The following PHKB variants were observed in gnomAD, a reference collection of about 807,000 sequenced individuals.
The protein encoded by PHKB is phosphorylase b kinase regulatory subunit beta.
A neutral mutation model predicts 152.1 loss-of-function variants in PHKB; 122 were observed. The ratio of observed to expected loss-of-function variants is 0.80; its 90% CI spans 0.69 to 0.93. The LOEUF is 0.93. Among genes scored for constraint, PHKB ranks in the 40% least tolerant of loss-of-function variants. The pLI is 0.00. For missense variants in PHKB, 1,304 were observed against 1,328.4 expected (o/e 0.98, Z 0.29); for synonymous variants, 436 against 464.9 (o/e 0.94, Z 0.80).
chr16:47,688,777 C>A (rs927083396), intron 26 of PHKB, among the ~76,000 whole-genome samples: 5 of 148,196 alleles, frequency 3.4e-5, no homozygotes, highest in African/African-American at 1.2e-4. Context: ...TGGGTAAAAT[C>A]TCACTTGCTA....
chr16:47,537,931 G>C (rs1263513332), intron 6 of PHKB, among the ~76,000 whole-genome samples: 1 of 150,146 alleles, frequency 6.7e-6, no homozygotes, highest in East Asian at 1.9e-4. Context: ...GTCTCTCTCT[G>C]TCATCCAGGC....
chr16:47,484,403 A>T (rs758389665), intron 1 of PHKB, among the ~76,000 whole-genome samples: 1 of 152,228 alleles, frequency 6.6e-6, no homozygotes, highest in Non-Finnish European at 1.5e-5. Context: ...ATCATGGAGA[A>T]ACGTAGACTC....
intron 25 of PHKB, 65 bp from the exon 26 acceptor site, chr16:47,669,149 AT>A (rs66531746): frequency 1.5e-4 from 192 of 1,271,430 alleles, no homozygotes; most frequent in Middle Eastern, 3.8e-4. Flanking sequence ...CTGAGCCTTG[AT>A]TTTTTTTTAA....
intron 26 of PHKB, among the ~76,000 whole-genome samples, chr16:47,682,509 C>A (rs919449972): frequency 3.3e-5 from 5 of 152,134 alleles, no homozygotes; most frequent in Admixed American, 2.6e-4. Context: ...TCATTTCATT[C>A]ATTTCGTCTT....
chr16:47,582,647 A>G (rs938582954), intron 8 of PHKB, among the ~76,000 whole-genome samples: 6 of 152,202 alleles, frequency 3.9e-5, no homozygotes, highest in Non-Finnish European at 5.9e-5. Flanking sequence ...TATACAATCA[A>G]GGGCGAGAAC....
intron 14 of PHKB, among the ~76,000 whole-genome samples, chr16:47,640,474 G>T (rs933658495): frequency 4.6e-5 from 7 of 152,102 alleles, no homozygotes; most frequent in Non-Finnish European, 8.8e-5. Flanking sequence ...CCAACAGCTT[G>T]CATTTAATGA....
chr16:47,536,113 G>A lies in PHKB; in HGVS notation c.595-11320G>A, dbSNP rs867442145. 2.2e-4 allele frequency among the ~76,000 whole-genome samples: 33 copies of A among 152,236 alleles called. 1 individual carries two copies. The highest frequency in any genetic ancestry group is 6.2e-4 in the South Asian group (3 of 4,822). ...GTTGCCCAGGCTGGAGTGCAGTGGC[G>A]CGATCTCGGCTCATAGCAACCTCCG... On this transcript the variant is annotated intron_variant, in intron 6 of 30. Transcript: ENST00000323584.
intron 6 of PHKB, among the ~76,000 whole-genome samples, chr16:47,541,407 T>C (rs1409600893): frequency 6.6e-6 from 1 of 152,242 alleles, no homozygotes; most frequent in African/African-American, 2.4e-5. Flanking sequence ...TGATGGACAT[T>C]TGGGTTGGTT....
At chr16:47,637,741 G>GA (rs913470291) in intron 14 of PHKB, among the ~76,000 whole-genome samples, 16 of 151,940 alleles carry the variant, frequency 1.1e-4, no homozygotes, top group Admixed American at 4.6e-4. Flanking sequence ...GAAATGAAAG[G>GA]AAAAAAATGG....
intron 20 of PHKB, among the ~76,000 whole-genome samples, chr16:47,651,148 C>T (rs936627649): frequency 6.6e-6 from 1 of 152,216 alleles, no homozygotes; most frequent in African/African-American, 2.4e-5. Context: ...AGTAGCTCAT[C>T]TCTAAAAGCT....
intron 13 of PHKB, among the ~76,000 whole-genome samples, chr16:47,602,183 C>G (rs1972240005): frequency 6.6e-6 from 1 of 152,158 alleles, no homozygotes; most frequent in South Asian, 2.1e-4. Context: ...ACCTCAGCCT[C>G]CTGAGTAGCT....
At chr16:47,506,377 T>C (rs1218698484) in intron 4 of PHKB, among the ~76,000 whole-genome samples, 1 of 152,190 alleles carries the variant, frequency 6.6e-6, no homozygotes. Context: ...TGAAAAACCT[T>C]TAATTTGTCT....
intron 17 of PHKB, 47 bp downstream of exon 17, chr16:47,648,663 G>A (rs771120946): frequency 2.6e-5 from 31 of 1,199,170 alleles, no homozygotes; most frequent in Middle Eastern, 3.8e-4. Flanking sequence ...TTCTAATACC[G>A]CATACTGAAA....
At chr16:47,600,621 C>T (rs992644410) in intron 13 of PHKB, among the ~76,000 whole-genome samples, 7 of 152,134 alleles carry the variant, frequency 4.6e-5, no homozygotes, top group African/African-American at 9.7e-5. Flanking sequence ...TAGCCTACGA[C>T]GTACCTAGCC....
chr16:47,647,117 T>G (rs909244302), intron 16 of PHKB, among the ~76,000 whole-genome samples: 9 of 151,816 alleles, frequency 5.9e-5, no homozygotes, highest in East Asian at 1.9e-4. Context: ...ATTTATGTAT[T>G]TATTTATTTA....
rs369955788 is a variant in PHKB, at chr16:47,591,536, A to G, written c.1069-1964A>G. Among the ~76,000 whole-genome samples the G allele has an allele frequency of 2.7e-4, 41 of 151,844 alleles. 1 individual carries two copies. The South Asian group carries it at 6.5e-3, about 24-fold the overall frequency. ...CCTTTCTTTATTCTCCACTTCTCTC[A>G]CTTACTTCTTAGTCTCCTTTGCAGG... On this transcript the variant is annotated intron_variant, in intron 10 of 30. Coordinates refer to ENST00000323584, the MANE Select transcript of PHKB (RefSeq NM_000293.3).
chr16:47,689,203 G>C, intron 27 of PHKB, 28 bp downstream of exon 27: 3 of 1,603,400 alleles, frequency 1.9e-6, no homozygotes, highest in Non-Finnish European at 2.6e-6. Context: ...TTACCTACAT[G>C]ATACTCTGGA....
intron 1 of PHKB, among the ~76,000 whole-genome samples, chr16:47,496,297 C>A (rs148211725): frequency 6.6e-6 from 1 of 150,498 alleles, no homozygotes; most frequent in Non-Finnish European, 1.5e-5. Context: ...ATCTTTTCAA[C>A]AAAAGATAAT....
intron 13 of PHKB, among the ~76,000 whole-genome samples, chr16:47,609,026 A>G (rs1232965638): frequency 1.3e-5 from 2 of 152,192 alleles, no homozygotes; most frequent in African/African-American, 4.8e-5. Context: ...TGAGTGTGAT[A>G]TTAGCTGTAG....
Sources: allele counts gnomAD v4.1 joint callset (sites outside exome capture counted in the v4.1 genomes callset), GRCh38; gene constraint gnomAD v4.1.1; transcripts MANE v1.5; gene names NCBI Gene and HGNC (gene_info 2026-07-23, HGNC 2026-07-21).